ERP44: variants seen among roughly 807,000 people sequenced by gnomAD.
ERP44 encodes the protein endoplasmic reticulum resident protein 44.
A neutral mutation model predicts 53.4 loss-of-function variants in ERP44; 25 were observed. The observed-to-expected ratio is 0.47, with a 90% CI of 0.34 to 0.65. ERP44 has a LOEUF of 0.65. ERP44 is among the 30% of genes least tolerant of loss of function. ERP44 has a pLI of 0.01. For missense variants in ERP44, 338 were observed against 493.2 expected (o/e 0.69, Z 2.98); for synonymous variants, 145 against 161.2 (o/e 0.90, Z 0.76).
At chr9:100,024,448 A>G (rs1453854406) in intron 4 of ERP44, among the ~76,000 whole-genome samples, 2 of 129,408 alleles carry the variant, frequency 1.5e-5, no homozygotes, top group Non-Finnish European at 3.2e-5. Flanking sequence ...ATATACATGC[A>G]CACATATTTA....
chr9:100,022,178 A>T lies in ERP44; in HGVS notation c.335T>A (p.Leu112Ter). ...CTTCATCATCATCCCATTACGAAAC[A>T]ATTTGAGGGTTGGGTATTTGCTTAT... is the stretch of plus-strand genomic sequence containing the variant. ...YRISKYPTLKLFRNGMMMKRE... is the reference protein window; with the variant it reads ...YRISKYPTLK The change falls in exon 5 of 12, where the codon TTG becomes TAG. Residue 112 changes from leucine (L) to a stop codon, truncating the protein, a stop_gained. Coordinates refer to ENST00000262455, the MANE Select transcript of ERP44 (RefSeq NM_015051.3). LOFTEE classifies it high-confidence loss of function. The T allele has an allele frequency of 6.2e-7, 1 of 1,613,770 alleles. No homozygotes were observed. Among genetic ancestry groups the T allele is most frequent in the South Asian group, 1.1e-5 (1 of 91,042 alleles).
chr9:99,993,593 T>C (rs975000768), intron 10 of ERP44, among the ~76,000 whole-genome samples: 27 of 152,296 alleles, frequency 1.8e-4, no homozygotes, highest in African/African-American at 6.0e-4. Context: ...ATTCAGGACA[T>C]AGGCATGGGC....
Position 100,052,550 on chromosome 9 carries a change from T to A in ERP44, c.171-18A>T. 7.0e-7 allele frequency: 1 copy of A among 1,421,400 alleles called. No homozygotes were observed. The highest frequency in any genetic ancestry group is 9.8e-7 in the Non-Finnish European group (1 of 1,021,478). 88.0% of individuals were successfully genotyped at this position (1,421,400 alleles called of 1,614,324 possible). A position where few individuals can be genotyped will look rare whatever the true frequency, so the allele number is the denominator to read the frequency against. On this transcript the variant is annotated intron_variant, in intron 3 of 11. Coordinates refer to ENST00000262455, the MANE Select transcript of ERP44 (RefSeq NM_015051.3). ...AACGACACCTATACACAGAGAAGGATGCCAATTAGAAATGAAAAGCAGAAG... is the reference window on the plus strand; with the variant it reads ...AACGACACCTATACACAGAGAAGGAAGCCAATTAGAAATGAAAAGCAGAAG...
chr9:100,064,652 C>T (rs1826190201), intron 1 of ERP44, among the ~76,000 whole-genome samples: 1 of 152,098 alleles, frequency 6.6e-6, no homozygotes. Context: ...CATACAGTCA[C>T]ACTGCATAAA....
intron 1 of ERP44, among the ~76,000 whole-genome samples, chr9:100,063,092 A>AAAAAAAAAAAAAAAAAAG (rs773290883): frequency 5.9e-4 from 86 of 145,250 alleles, no homozygotes; most frequent in African/African-American, 2.0e-3. Flanking sequence ...AAAAAAAAAA[A>AAAAAAAAAAAAAAAAAAG]AGAGAGAGAG....
chr9:100,049,676 A>G (rs1564097899), intron 4 of ERP44, among the ~76,000 whole-genome samples: 1 of 152,266 alleles, frequency 6.6e-6, no homozygotes, highest in Non-Finnish European at 1.5e-5. Context: ...TATATAAAAT[A>G]GAACAAATAC....
chr9:100,007,848 A>T (rs1479714305), intron 8 of ERP44, among the ~76,000 whole-genome samples, 159 bp from the exon 9 acceptor site: 2 of 152,196 alleles, frequency 1.3e-5, no homozygotes, highest in African/African-American at 4.8e-5. Context: ...CATTAGCCTG[A>T]ACAGAAGACT....
In ERP44 at chr9:99,979,876, T is replaced by C; in HGVS notation, c.*2736A>G. ...AAACTTTAAAGTGAACATACTTCCT[T>C]GCTTGCAATCTGTTGATGGATCTCT... On this transcript the variant is annotated 3_prime_UTR_variant, in exon 12 of 12. Coordinates refer to ENST00000262455, the MANE Select transcript of ERP44 (RefSeq NM_015051.3). The C allele has an allele frequency of 2.5e-6, 1 of 398,284 alleles. No homozygotes were observed. Among genetic ancestry groups the C allele is most frequent in the South Asian group, 1.3e-4 (1 of 7,770 alleles). The allele number at this position is 398,284 out of a possible 1,614,324, so 24.7% of individuals were successfully genotyped here. A position where few individuals can be genotyped will look rare whatever the true frequency, so the allele number is the denominator to read the frequency against.
intron 4 of ERP44, among the ~76,000 whole-genome samples, chr9:100,052,036 T>C (rs1164896758): frequency 6.6e-6 from 1 of 152,212 alleles, no homozygotes; most frequent in Admixed American, 6.5e-5. Flanking sequence ...TATTTTCACA[T>C]GATTCTAAAA....
At chr9:100,065,177 T>A (rs1424088192) in intron 1 of ERP44, among the ~76,000 whole-genome samples, 1 of 152,194 alleles carries the variant, frequency 6.6e-6, no homozygotes, top group East Asian at 1.9e-4. Context: ...TAACTTTTTA[T>A]CTTTTATACT....
At chr9:100,072,898 T>G (rs571831049) in intron 1 of ERP44, among the ~76,000 whole-genome samples, 19 of 152,310 alleles carry the variant, frequency 1.2e-4, no homozygotes, top group African/African-American at 4.6e-4. Context: ...TCCACAACCT[T>G]CAAACGTTGA....
At chr9:100,098,672 A>C in intron 1 of ERP44, 112 bp downstream of exon 1, 2 of 934,802 alleles carry the variant, frequency 2.1e-6, no homozygotes, top group South Asian at 3.0e-5. Flanking sequence ...TGCACTCCAA[A>C]ACACTGCAGG....
rs1174565491 is a variant in ERP44, at chr9:100,057,855, A to G, written c.135T>C (p.Asn45=). The G allele has an allele frequency of 8.8e-6, 14 of 1,593,914 alleles. No homozygotes were observed. The highest frequency in any genetic ancestry group is 1.2e-5 in the Non-Finnish European group (14 of 1,166,188). The part of the protein sequence containing the change: ...DTENIDEILN[N]ADVALVNFYA... ...AAAAATTTACTAAAGCAACATCAGC[A>G]TTGTCTGAAATTGAAAGACAAAACC... is the stretch of plus-strand genomic sequence containing the variant. The change falls in exon 3 of 12, where the codon AAT becomes AAC. Residue 45 remains asparagine (N), a synonymous_variant. Coordinates refer to ENST00000262455, the MANE Select transcript of ERP44 (RefSeq NM_015051.3).
At chr9:100,014,477 G>A (rs1433793409) in intron 8 of ERP44, among the ~76,000 whole-genome samples, 2 of 152,002 alleles carry the variant, frequency 1.3e-5, no homozygotes, top group Non-Finnish European at 2.9e-5. Context: ...AGAGACGGGG[G>A]TTTCACCATG....
chr9:100,016,286 A>G (rs1181323432), intron 8 of ERP44, 36 bp downstream of exon 8: 1 of 1,568,608 alleles, frequency 6.4e-7, no homozygotes, highest in East Asian at 2.3e-5. Context: ...CAGACATTTG[A>G]ATTTAAAGTA....
chr9:99,982,415 G>T lies in ERP44; in HGVS notation c.*197C>A. ...TGATTTTTATTTTTAAATCCTAGCA[G>T]GTTTTTTTTTTTTAAGAGGCTACTA... On this transcript the variant is annotated 3_prime_UTR_variant, in exon 12 of 12. Transcript: ENST00000262455. 9.1e-6 allele frequency: 1 copy of T among 110,056 alleles called. No individual in the cohort carries two copies. Among genetic ancestry groups the T allele is most frequent in the East Asian group, 1.2e-4 (1 of 8,670 alleles). 6.8% of individuals were successfully genotyped at this position (110,056 alleles called of 1,614,324 possible).
At chr9:100,066,161 A>G (rs915574448) in intron 1 of ERP44, among the ~76,000 whole-genome samples, 1 of 152,246 alleles carries the variant, frequency 6.6e-6, no homozygotes, top group African/African-American at 2.4e-5. Context: ...CTCTAGGAGC[A>G]AGCGTGTAAA....
chr9:99,986,186 C>G (rs913741480), intron 10 of ERP44, among the ~76,000 whole-genome samples: 1 of 152,184 alleles, frequency 6.6e-6, no homozygotes, highest in African/African-American at 2.4e-5. Flanking sequence ...CAAGTGTGAG[C>G]AAATTATACC....
In ERP44 at chr9:99,998,935, C is replaced by A. The variant is rs909313515; in HGVS notation, c.1016+7571G>T. On this transcript the variant is annotated intron_variant, in intron 10 of 11. Coordinates refer to ENST00000262455, the MANE Select transcript of ERP44 (RefSeq NM_015051.3). ...GGGTTGGCACTGGTCTTCTCTTCCT[C>A]CACACAGTAGGTTTCTAAAAAGTTT... The A allele has an allele frequency of 8.2e-6, 13 of 1,594,034 alleles. No homozygotes were observed. In the Admixed American group the frequency reaches 2.2e-4, roughly 27 times the overall value.
Sources: gnomAD v4.1 joint callset for allele counts (sites outside exome capture counted in the v4.1 genomes callset) on GRCh38, gnomAD v4.1.1 for gene constraint, MANE v1.5 for transcripts, NCBI Gene and HGNC (gene_info 2026-07-23, HGNC 2026-07-21) for gene names.